Variants in DGKG observed in about 807,000 individuals in gnomAD.
The protein encoded by DGKG is DAG kinase gamma.
Under a neutral mutation model 105.3 loss-of-function variants are expected in DGKG, and 78 were observed. That is an observed-to-expected ratio of 0.74 (90% CI 0.62 to 0.89). The LOEUF is 0.89. Among genes scored for constraint, DGKG ranks in the 40% least tolerant of loss-of-function variants. The pLI is 0.00. For synonymous variants in DGKG, 346 were observed against 367.1 expected, an observed-to-expected ratio of 0.94 and a Z score of 0.66; for missense variants, 958 against 1,020.1, an observed-to-expected ratio of 0.94 and a Z score of 0.83.
At chr3:186,247,040 C>T (rs1720979345) in intron 19 of DGKG, among the ~76,000 whole-genome samples, 1 of 152,148 alleles carries the variant, frequency 6.6e-6, no homozygotes, top group Non-Finnish European at 1.5e-5. Context: ...ACATTTTCTG[C>T]TAATCTAAAA....
chr3:186,271,961 A>G (rs1284843371), intron 11 of DGKG, among the ~76,000 whole-genome samples: 1 of 152,064 alleles, frequency 6.6e-6, no homozygotes, highest in Non-Finnish European at 1.5e-5. Flanking sequence ...ACATCTCACT[A>G]TTCTGTTCTT....
At chr3:186,282,247 C>A (rs568710918) in intron 7 of DGKG, among the ~76,000 whole-genome samples, 2 of 152,090 alleles carry the variant, frequency 1.3e-5, no homozygotes, top group African/African-American at 4.8e-5. Flanking sequence ...GAGTTGAAAA[C>A]GATTCCCCAC....
chr3:186,225,937 G>A (rs1719839871), intron 20 of DGKG, among the ~76,000 whole-genome samples: 1 of 152,192 alleles, frequency 6.6e-6, no homozygotes, highest in Non-Finnish European at 1.5e-5. Flanking sequence ...CAGGGTGAGA[G>A]ATGAATCATA....
At chr3:186,299,841 T>TTCCTTTC (rs1723827570) in intron 3 of DGKG, among the ~76,000 whole-genome samples, 1 of 74,614 alleles carries the variant, frequency 1.3e-5, no homozygotes, top group East Asian at 4.0e-4. Context: ...TTCTTTCTTT[T>TTCCTTTC]TTTTTTTTTT....
At chr3:186,172,289 C>T (rs1469859033) in intron 22 of DGKG, among the ~76,000 whole-genome samples, 2 of 152,164 alleles carry the variant, frequency 1.3e-5, no homozygotes, top group Non-Finnish European at 2.9e-5. Flanking sequence ...TGCTTTGCTA[C>T]CCTCAATCCC....
At chr3:186,310,942 C>T (rs1724512523) in intron 2 of DGKG, among the ~76,000 whole-genome samples, 1 of 68,014 alleles carries the variant, frequency 1.5e-5, no homozygotes, top group African/African-American at 7.6e-5. Context: ...TTAAGTGATT[C>T]TTTCAAGGAG....
intron 5 of DGKG, among the ~76,000 whole-genome samples, chr3:186,297,068 T>TCTCTCACACACACACACA (rs1452573661): frequency 3.8e-5 from 5 of 130,504 alleles, no homozygotes; most frequent in African/African-American, 8.6e-5. Flanking sequence ...TCTGTCTCTC[T>TCTCTCACACACACACACA]CACACACACA....
intron 24 of DGKG, among the ~76,000 whole-genome samples, chr3:186,156,036 A>G (rs1275864108): frequency 2.7e-5 from 4 of 150,062 alleles, no homozygotes; most frequent in East Asian, 1.9e-4. Context: ...TGGTTTCTTT[A>G]TACCTTGTGA....
intron 22 of DGKG, among the ~76,000 whole-genome samples, chr3:186,176,352 C>T (rs1717076883): frequency 6.6e-6 from 1 of 152,188 alleles, no homozygotes; most frequent in Non-Finnish European, 1.5e-5. Flanking sequence ...CAGAGATCTG[C>T]ACTGGCCAAA....
intron 15 of DGKG, 105 bp downstream of exon 15, chr3:186,261,594 T>G: frequency 2.4e-6 from 2 of 819,430 alleles, no homozygotes; most frequent in Middle Eastern, 3.5e-4. Flanking sequence ...AGTGCTGGGA[T>G]TTGAGTCTGC....
intron 21 of DGKG, among the ~76,000 whole-genome samples, chr3:186,202,227 T>C (rs1718503293): frequency 6.6e-6 from 1 of 152,258 alleles, no homozygotes; most frequent in South Asian, 2.1e-4. Context: ...GGGCTTGAGA[T>C]ATAACACGTG....
intron 19 of DGKG, among the ~76,000 whole-genome samples, chr3:186,245,920 AAAC>A (rs1285184844): frequency 5.3e-5 from 8 of 150,340 alleles, no homozygotes; most frequent in South Asian, 4.1e-4. Context: ...ACAAACAAAA[AAAC>A]AACAACAACA....
chr3:186,150,048 T>C lies in DGKG; in HGVS notation c.*42A>G. On this transcript the variant is annotated 3_prime_UTR_variant, in exon 25 of 25. Transcript: ENST00000265022. Reference sequence around the variant, plus strand: ...TTGTGTGTGAGTGTGCATTATAGTTTCTTGCTTTCTCTCTTGGTTTAGCTG... The same window carrying C: ...TTGTGTGTGAGTGTGCATTATAGTTCCTTGCTTTCTCTCTTGGTTTAGCTG... 1 of 1,587,012 alleles carries C rather than the reference T, an allele frequency of 6.3e-7. No homozygotes were observed.
intron 3 of DGKG, among the ~76,000 whole-genome samples, chr3:186,304,071 G>A (rs941889224): frequency 1.2e-4 from 18 of 152,362 alleles, no homozygotes; most frequent in Admixed American, 1.1e-3. Flanking sequence ...CCCCGACAGA[G>A]GCGAGGGCGG....
intron 2 of DGKG, among the ~76,000 whole-genome samples, chr3:186,320,011 C>A (rs1477841078): frequency 6.6e-6 from 1 of 152,178 alleles, no homozygotes; most frequent in Non-Finnish European, 1.5e-5. Context: ...CTTTAATGAC[C>A]TGAGCAAATA....
At chr3:186,320,807 G>A (rs1725041078) in intron 1 of DGKG, 100 bp from the exon 2 acceptor site, 1 of 213,714 alleles carries the variant, frequency 4.7e-6, no homozygotes, top group Admixed American at 5.4e-5. Flanking sequence ...TTGTTCAATG[G>A]TTCTTAAGGA....
chr3:186,193,160 C>T (rs781184761), intron 21 of DGKG, among the ~76,000 whole-genome samples: 1 of 152,172 alleles, frequency 6.6e-6, no homozygotes, highest in Admixed American at 6.5e-5. Context: ...TGTCCTCCCT[C>T]CCTCTTGGAA....
intron 20 of DGKG, among the ~76,000 whole-genome samples, chr3:186,219,427 G>A (rs1422279056): frequency 6.6e-6 from 1 of 152,204 alleles, no homozygotes. Flanking sequence ...TCCAAGAGGG[G>A]GCAGTGGCCC....
chr3:186,217,008 G>C (rs1213060236), intron 20 of DGKG, among the ~76,000 whole-genome samples: 1 of 152,118 alleles, frequency 6.6e-6, no homozygotes, highest in African/African-American at 2.4e-5. Flanking sequence ...AAAGTTGTGA[G>C]GCTTATGTGG....
Sources: allele counts gnomAD v4.1 joint callset (sites outside exome capture counted in the v4.1 genomes callset), GRCh38; gene constraint gnomAD v4.1.1; transcripts MANE v1.5; gene names NCBI Gene and HGNC (gene_info 2026-07-23, HGNC 2026-07-21).